The following ELOVL2 variants were observed in gnomAD, a reference collection of about 807,000 sequenced individuals.
ELOVL2 encodes the protein ELOVL fatty acid elongase 2, also known as very long chain fatty acid elongase 2.
Under a neutral mutation model 37.7 loss-of-function variants are expected in ELOVL2, and 38 were observed. The ratio of observed to expected loss-of-function variants is 1.01; its 90% CI spans 0.78 to 1.32. The LOEUF is 1.32. Among genes scored for constraint, ELOVL2 ranks in the 40% most tolerant of loss-of-function variants. The pLI is 0.00. For synonymous variants in ELOVL2, 115 were observed against 122.3 expected, an observed-to-expected ratio of 0.94 and a Z score of 0.40; for missense variants, 352 against 363.6, an observed-to-expected ratio of 0.97 and a Z score of 0.26.
chr6:10,992,373 A>C (rs1405164484), intron 5 of ELOVL2, among the ~76,000 whole-genome samples: 3 of 152,210 alleles, frequency 2.0e-5, no homozygotes, highest in African/African-American at 7.2e-5. Flanking sequence ...ATTCTTGAGA[A>C]CAAGACAGTA....
chr6:11,019,898 C>T (rs1426770979), intron 1 of ELOVL2, among the ~76,000 whole-genome samples: 2 of 151,672 alleles, frequency 1.3e-5, no homozygotes, highest in Non-Finnish European at 2.9e-5. Flanking sequence ...TGTGCACCAC[C>T]ACGCCCGGCC....
intron 1 of ELOVL2, among the ~76,000 whole-genome samples, chr6:11,041,867 GAAT>G (rs1281280238): frequency 2.6e-5 from 4 of 152,032 alleles, no homozygotes; most frequent in Non-Finnish European, 5.9e-5. Flanking sequence ...ATTTATTTTG[GAAT>G]AATAAGACTA....
chr6:11,032,279 C>T (rs1013976448), intron 1 of ELOVL2, among the ~76,000 whole-genome samples: 10 of 150,802 alleles, frequency 6.6e-5, no homozygotes, highest in African/African-American at 2.4e-4. Context: ...AACATATTCT[C>T]CTAATGGCTG....
intron 3 of ELOVL2, 125 bp from the exon 4 acceptor site, chr6:11,000,289 G>A (rs1782359862): frequency 2.3e-6 from 2 of 863,994 alleles, no homozygotes; most frequent in South Asian, 1.5e-5. Context: ...CAGAATTTGA[G>A]TTTGTCTCAA....
At chr6:10,998,413 A>G (rs1042846039) in intron 4 of ELOVL2, among the ~76,000 whole-genome samples, 2 of 152,236 alleles carry the variant, frequency 1.3e-5, no homozygotes, top group Non-Finnish European at 2.9e-5. Flanking sequence ...TATGAAAGGC[A>G]AGATAAATGT....
At position 10,989,714 on chromosome 6, in the gene ELOVL2, A is replaced by G; in HGVS notation, c.754T>C (p.Phe252Leu). 6.2e-7 allele frequency: 1 copy of G among 1,613,968 alleles called. No individual in the cohort carries two copies. The highest frequency in any genetic ancestry group is 8.5e-7 in the Non-Finnish European group (1 of 1,179,814). The stretch of plus-strand genomic sequence containing the variant: ...TACATTCCACGTACCTGAACGTAAA[A>G]ATTTAAGAAGAGGATGACTAACGTT... ...MLTLVILFLNFYVQTYRKKPM... is the reference protein window; with the variant it reads ...MLTLVILFLNLYVQTYRKKPM... The change falls in exon 7 of 8, where the codon TTT becomes CTT. Residue 252 changes from phenylalanine to leucine, a missense_variant. Transcript: ENST00000354666.
intron 7 of ELOVL2, among the ~76,000 whole-genome samples, chr6:10,986,680 T>C (rs1180877760): frequency 6.6e-6 from 1 of 152,204 alleles, no homozygotes; most frequent in East Asian, 1.9e-4. Flanking sequence ...GAACCAGCCT[T>C]GCATCCCAGG....
chr6:11,022,013 G>A (rs1782771484), intron 1 of ELOVL2, among the ~76,000 whole-genome samples: 1 of 152,172 alleles, frequency 6.6e-6, no homozygotes, highest in Non-Finnish European at 1.5e-5. Context: ...AAGTGTAATA[G>A]GGGGTCTGTC....
chr6:11,030,205 A>G (rs573786978), intron 1 of ELOVL2, among the ~76,000 whole-genome samples: 2 of 152,276 alleles, frequency 1.3e-5, no homozygotes, highest in African/African-American at 2.4e-5. Flanking sequence ...AACTGCATGG[A>G]TGTGGAGTCT....
chr6:11,040,509 T>C (rs948832682), intron 1 of ELOVL2, among the ~76,000 whole-genome samples: 2 of 152,194 alleles, frequency 1.3e-5, no homozygotes. Context: ...TTTGCATGGA[T>C]TGGGTTAAAT....
chr6:10,985,022 C>T lies in ELOVL2; in HGVS notation c.766-1116G>A, dbSNP rs539824596. 5.3e-4 allele frequency among the ~76,000 whole-genome samples: 81 copies of T among 152,232 alleles called. 1 individual carries two copies. In the South Asian group the frequency reaches 0.017, roughly 31 times the overall value. On this transcript the variant is annotated intron_variant, in intron 7 of 7. Transcript: ENST00000354666. ...CTATTTCTCCACATCCTCTCCAGCA[C>T]CTGTTGTTTCCTGACTTTTTAATGA...
At chr6:11,003,870 TC>T (rs1782433056) in intron 3 of ELOVL2, among the ~76,000 whole-genome samples, 1 of 151,610 alleles carries the variant, frequency 6.6e-6, no homozygotes, top group African/African-American at 2.4e-5. Flanking sequence ...TCACCTGAGG[TC>T]AGGAGTTCGA....
intron 1 of ELOVL2, 103 bp from the exon 2 acceptor site, chr6:11,010,912 G>A (rs1782564083): frequency 1.2e-6 from 1 of 857,052 alleles, no homozygotes; most frequent in East Asian, 2.5e-5. Flanking sequence ...GACTTTCAAA[G>A]GGTCCCAGCT....
intron 1 of ELOVL2, among the ~76,000 whole-genome samples, chr6:11,013,697 C>T (rs747464397): frequency 3.3e-5 from 5 of 151,926 alleles, no homozygotes; most frequent in South Asian, 2.1e-4. Context: ...AACTGCCACA[C>T]GACAGAAGAT....
intron 1 of ELOVL2, among the ~76,000 whole-genome samples, chr6:11,033,832 G>GTAAA (rs1262349268): frequency 6.6e-6 from 1 of 152,106 alleles, no homozygotes; most frequent in Admixed American, 6.5e-5. Context: ...TTTTAAAAAT[G>GTAAA]TAAATACATG....
intron 1 of ELOVL2, among the ~76,000 whole-genome samples, chr6:11,016,844 T>C (rs1319638078): frequency 6.6e-6 from 1 of 152,238 alleles, no homozygotes; most frequent in East Asian, 1.9e-4. Flanking sequence ...TACATAAAAA[T>C]GCATAAAATT....
chr6:10,988,488 C>G (rs1782088282), intron 7 of ELOVL2, among the ~76,000 whole-genome samples: 1 of 152,160 alleles, frequency 6.6e-6, no homozygotes, highest in South Asian at 2.1e-4. Context: ...CACTTGAACC[C>G]AGGAAGCAGA....
chr6:10,989,439 G>A (rs1051736070), intron 7 of ELOVL2, among the ~76,000 whole-genome samples: 2 of 152,212 alleles, frequency 1.3e-5, no homozygotes, highest in Admixed American at 6.5e-5. Flanking sequence ...GATCACCTGA[G>A]GTCAGGAGTT....
intron 7 of ELOVL2, among the ~76,000 whole-genome samples, chr6:10,989,451 A>G (rs764963958): frequency 1.4e-4 from 21 of 152,220 alleles, no homozygotes; most frequent in Non-Finnish European, 2.5e-4. Flanking sequence ...TCAGGAGTTC[A>G]AGACCAGCCT....
Sources: gnomAD v4.1 joint callset for allele counts (sites outside exome capture counted in the v4.1 genomes callset) on GRCh38, gnomAD v4.1.1 for gene constraint, MANE v1.5 for transcripts, NCBI Gene and HGNC (gene_info 2026-07-23, HGNC 2026-07-21) for gene names.